The following MKNK2 variants were observed in gnomAD, a reference collection of about 807,000 sequenced individuals.
MKNK2 encodes the protein MAPK interacting serine/threonine kinase 2, also known as MAP kinase-interacting serine/threonine-protein kinase 2.
In MKNK2, 54 loss-of-function variants were observed where a neutral mutation model predicts 55.0. The observed-to-expected ratio is 0.98, with a 90% CI of 0.79 to 1.23. The LOEUF (loss-of-function observed/expected upper bound fraction) is 1.23, where lower values mean the gene tolerates loss of function less well. Ranked by LOEUF, MKNK2 falls within the 50% of genes most tolerant of loss-of-function variation. The pLI, the probability that MKNK2 is intolerant of heterozygous loss-of-function variation, is 0.00. For synonymous variants in MKNK2, 323 were observed against 256.0 expected, an observed-to-expected ratio of 1.26 and a Z score of -2.50; for missense variants, 685 against 632.1, an observed-to-expected ratio of 1.08 and a Z score of -0.90.
chr19:2,050,350 T>C (rs897331055), intron 2 of MKNK2, among the ~76,000 whole-genome samples: 4 of 152,082 alleles, frequency 2.6e-5, no homozygotes, highest in Non-Finnish European at 4.4e-5. Flanking sequence ...AGAAGCCACA[T>C]GGAGGTGGGA....
At position 2,038,374 on chromosome 19, in the gene MKNK2, T is replaced by A; in HGVS notation, c.*1239A>T. ...CGCCGGGAAGGGCGGGCGGTGACCC[T>A]AGCCGCGCGCACTTCTAAAGTGGAA... On this transcript the variant is annotated 3_prime_UTR_variant, in exon 14 of 14. Coordinates refer to ENST00000250896, the MANE Select transcript of MKNK2 (RefSeq NM_199054.3). The A allele has an allele frequency of 2.0e-6, 2 of 986,158 alleles. No individual in the cohort carries two copies. Among genetic ancestry groups the A allele is most frequent in the Non-Finnish European group, 2.4e-6 (2 of 830,288 alleles). 61.1% of individuals were successfully genotyped at this position (986,158 alleles called of 1,614,324 possible). A position where few individuals can be genotyped will look rare whatever the true frequency, so the allele number is the denominator to read the frequency against.
chr19:2,046,804 A>G, intron 2 of MKNK2, 113 bp from the exon 3 acceptor site: 2 of 820,006 alleles, frequency 2.4e-6, no homozygotes, highest in Non-Finnish European at 3.6e-6. Context: ...TGCGCTGAGC[A>G]TTACGGAAAA....
chr19:2,045,646 C>T (rs1393592931), intron 5 of MKNK2, among the ~76,000 whole-genome samples: 1 of 152,178 alleles, frequency 6.6e-6, no homozygotes, highest in Non-Finnish European at 1.5e-5. Context: ...CCTCCTGGGA[C>T]CCCACCCAGC....
At position 2,050,955 on chromosome 19, in the gene MKNK2, C is replaced by A; in HGVS notation, c.-96-8G>T. ...GCGGCCGAGGAGGGGACCCTGCGGG[C>A]GGGAGCAGACAAAGGGAGGGCGGTG... On this transcript the variant is annotated splice_polypyrimidine_tract_variant and splice_region_variant and intron_variant, in intron 1 of 13. Coordinates refer to ENST00000250896, the MANE Select transcript of MKNK2 (RefSeq NM_199054.3). The A allele has an allele frequency of 1.4e-6, 1 of 727,066 alleles. No individual in the cohort carries two copies. The allele number at this position is 727,066 out of a possible 1,614,324, so 45.0% of individuals were successfully genotyped here.
Position 2,046,391 on chromosome 19 carries a change from C to A in MKNK2, c.217G>T (p.Asp73Tyr). Residue 73 changes from aspartate (D) to tyrosine (Y), a missense_variant, in exon 4 of 14, where the codon GAC becomes TAC. Transcript: ENST00000250896. ...CCTTCAAACCTGCCCGAGAAGCTGT[C>A]GGTGGCCCGGCCGCGCTTCTTCTTC... ...GKKKKRGRAT[D>Y]SFSGRFEDVY... is the part of the protein sequence containing the mutation. The A allele has an allele frequency of 1.2e-5, 19 of 1,608,642 alleles. No homozygotes were observed. The highest frequency in any genetic ancestry group is 1.6e-5 in the Non-Finnish European group (19 of 1,179,806).
In MKNK2 at chr19:2,046,091, G is replaced by A. The variant is rs930790575; in HGVS notation, c.339+95C>T. On this transcript the variant is annotated intron_variant, in intron 5 of 13. Coordinates refer to ENST00000250896, the MANE Select transcript of MKNK2 (RefSeq NM_199054.3). The stretch of plus-strand genomic sequence containing the variant: ...CTTTTAGACACGGGTCTTCCCGGCT[G>A]TAGGACGGACAGCCGGAATGCCACA... 7 of 1,280,356 alleles carry A rather than the reference G, an allele frequency of 5.5e-6. No individual in the cohort carries two copies. In the Admixed American group the frequency reaches 1.2e-4, roughly 22 times the overall value. 79.3% of individuals were successfully genotyped at this position (1,280,356 alleles called of 1,614,324 possible).
intron 2 of MKNK2, among the ~76,000 whole-genome samples, chr19:2,050,424 A>AC (rs2017089482): frequency 6.6e-6 from 1 of 151,984 alleles, no homozygotes; most frequent in African/African-American, 2.4e-5. Flanking sequence ...TGCAGGGGAC[A>AC]CCCCCCATAA....
Position 2,042,761 on chromosome 19 carries a change from C to T in MKNK2, c.598+5G>A. The stretch of plus-strand genomic sequence containing the variant: ...TAGGAGACTCCGGGCGGGGTCACCA[C>T]CTACCTTTGTTATGCAGAAAGTCCA... On this transcript the variant is annotated splice_donor_5th_base_variant and intron_variant, in intron 8 of 13. Transcript: ENST00000250896. The T allele has an allele frequency of 1.3e-6, 2 of 1,568,200 alleles. No homozygotes were observed. The highest frequency in any genetic ancestry group is 1.7e-6 in the Non-Finnish European group (2 of 1,154,316).
In MKNK2 at chr19:2,038,645, G is replaced by C. The variant is rs556674656; in HGVS notation, c.*968C>G. On this transcript the variant is annotated 3_prime_UTR_variant, in exon 14 of 14. Coordinates refer to ENST00000250896, the MANE Select transcript of MKNK2 (RefSeq NM_199054.3). ...TAAGGACAAGGACGGAGCTGACGGA[G>C]CTTCCAGGTCAGGCCCGAGGGGCGG... is the stretch of plus-strand genomic sequence containing the variant. 13 of 985,614 alleles carry C rather than the reference G, an allele frequency of 1.3e-5. No homozygotes were observed. In the Admixed American group the frequency reaches 1.8e-4, roughly 14 times the overall value. 61.1% of individuals were successfully genotyped at this position (985,614 alleles called of 1,614,324 possible).
At position 2,046,216 on chromosome 19, in the gene MKNK2, G is replaced by C. The variant is rs1438186713; in HGVS notation, c.309C>G (p.Asn103Lys). 1 of 1,608,452 alleles carries C rather than the reference G, an allele frequency of 6.2e-7. No homozygotes were observed. Among genetic ancestry groups the C allele is most frequent in the Non-Finnish European group, 8.5e-7 (1 of 1,179,924 alleles). The change falls in exon 5 of 14, where the codon AAC (asparagine) becomes AAG (lysine). Residue 103 changes from asparagine to lysine, a missense_variant. Asn to Lys is a moderately conservative substitution (Grantham distance 94). Transcript: ENST00000250896. ...GAHARVQTCINLITSQEYAVK... is the reference protein window; with the variant it reads ...GAHARVQTCIKLITSQEYAVK... ...CGGCGTACTCCTGGCTGGTGATCAG[G>C]TTGATGCAGGTCTGCACTCGGGCAT...
intron 7 of MKNK2, 90 bp downstream of exon 7, chr19:2,043,034 C>T (rs1410229842): frequency 1.5e-6 from 2 of 1,324,750 alleles, no homozygotes; most frequent in Admixed American, 1.7e-5. Context: ...ACACTCACCC[C>T]ACAAGCCCCC....
intron 11 of MKNK2, 96 bp from the exon 12 acceptor site, chr19:2,041,300 G>T: frequency 7.3e-7 from 1 of 1,378,398 alleles, no homozygotes; most frequent in Non-Finnish European, 1.0e-6. Context: ...CCAGGCCCTA[G>T]ACCAGGCCCT....
chr19:2,040,338 C>T (rs921210374), intron 12 of MKNK2, 161 bp from the exon 13 acceptor site: 5 of 621,908 alleles, frequency 8.0e-6, no homozygotes, highest in Admixed American at 3.3e-5. Flanking sequence ...GCGCCCACCC[C>T]GAGGTCCCTA....
At chr19:2,041,262 C>G in intron 11 of MKNK2, 58 bp from the exon 12 acceptor site, 1 of 1,553,296 alleles carries the variant, frequency 6.4e-7, no homozygotes, top group Non-Finnish European at 8.8e-7. Flanking sequence ...ATACTGTGCA[C>G]TGACACGTGG....
chr19:2,042,105 C>T (rs2016899449), intron 10 of MKNK2, 71 bp from the exon 11 acceptor site: 1 of 1,352,856 alleles, frequency 7.4e-7, no homozygotes. Flanking sequence ...CGGGTAACTG[C>T]GGGTCACCTG....
At chr19:2,046,160 T>A (rs755428672) in intron 5 of MKNK2, 26 bp downstream of exon 5, 1 of 1,601,760 alleles carries the variant, frequency 6.2e-7, no homozygotes, top group East Asian at 2.2e-5. Flanking sequence ...AGGCGCTGGG[T>A]TCCCCAGGGC....
chr19:2,042,522 C>T lies in MKNK2; in HGVS notation c.655G>A (p.Val219Ile). 1 of 1,593,106 alleles carries T rather than the reference C, an allele frequency of 6.3e-7. No homozygotes were observed. Among genetic ancestry groups the T allele is most frequent in the Middle Eastern group, 1.7e-4 (1 of 6,024 alleles). ...ENILCEHPNQ[V>I]SPVKICDFDL... Reference sequence around the variant, plus strand: ...AAGTCACAGATCTTCACGGGGGAGACCTGGGAGGGGCCAAAAGGTCCGTGA... The same window carrying T: ...AAGTCACAGATCTTCACGGGGGAGATCTGGGAGGGGCCAAAAGGTCCGTGA... The change falls in exon 10 of 14, where the codon GTC becomes ATC. Residue 219 changes from valine to isoleucine, a missense_variant and splice_region_variant. Coordinates refer to ENST00000250896, the MANE Select transcript of MKNK2 (RefSeq NM_199054.3).
rs199520689 is a variant in MKNK2 at position 2,037,847 on chromosome 19, A to AAAAC, written c.*1762_*1765dup. 6.2e-4 allele frequency: 940 copies of AAAAC among 1,511,696 alleles called. 5 individuals are homozygous for AAAAC. The South Asian group carries it at 8.1e-3, about 13-fold the overall frequency. 93.6% of individuals were successfully genotyped at this position (1,511,696 alleles called of 1,614,324 possible). A position where few individuals can be genotyped will look rare whatever the true frequency, so the allele number is the denominator to read the frequency against. ...TGTCCCACCTTCAGAAAAAAAAAAA[A>AAAAC]AAACAAACAAACAAACGCTGCTAGC... is the stretch of plus-strand genomic sequence containing the variant. On this transcript the variant is annotated 3_prime_UTR_variant, in exon 14 of 14. Coordinates refer to ENST00000250896, the MANE Select transcript of MKNK2 (RefSeq NM_199054.3).
In MKNK2 at chr19:2,043,598, G is replaced by A; in HGVS notation, c.340-16C>T. On this transcript the variant is annotated splice_polypyrimidine_tract_variant and intron_variant, in intron 5 of 13. Coordinates refer to ENST00000250896, the MANE Select transcript of MKNK2 (RefSeq NM_199054.3). ...TCTCAATGATCTGAAACAGGCGAAA[G>A]GACACAGCACCTGGGTTGGTGGGAC... is the stretch of plus-strand genomic sequence containing the variant. 1 of 1,613,210 alleles carries A rather than the reference G, an allele frequency of 6.2e-7. No individual in the cohort carries two copies. Among genetic ancestry groups the A allele is most frequent in the Non-Finnish European group, 8.5e-7 (1 of 1,179,434 alleles).
Sources: gnomAD v4.1 joint callset for allele counts (sites outside exome capture counted in the v4.1 genomes callset) on GRCh38, gnomAD v4.1.1 for gene constraint, MANE v1.5 for transcripts, NCBI Gene and HGNC (gene_info 2026-07-23, HGNC 2026-07-21) for gene names.